TLDC2: variants seen among roughly 807,000 people sequenced by gnomAD.
TLDC2 encodes the protein TLD domain-containing protein 2.
A neutral mutation model predicts 27.9 loss-of-function variants in TLDC2; 23 were observed. That is an observed-to-expected ratio of 0.82 (90% confidence interval 0.59 to 1.17). TLDC2 has a LOEUF of 1.17. TLDC2 is among the 50% of genes most tolerant of loss of function. The pLI, the probability that TLDC2 is intolerant of heterozygous loss-of-function variation, is 0.00. For missense variants in TLDC2, 286 were observed against 273.4 expected (o/e 1.05, Z -0.32); for synonymous variants, 124 against 107.4 (o/e 1.16, Z -0.96).
At chr20:36,877,813 G>T in intron 1 of TLDC2, 86 bp from the exon 2 acceptor site, 1 of 1,469,730 alleles carries the variant, frequency 6.8e-7, no homozygotes, top group African/African-American at 1.4e-5. Flanking sequence ...TGATGAGGTG[G>T]CCCGAGGAGG....
At position 36,879,187 on chromosome 20, in the gene TLDC2, C is replaced by G. The variant is rs527343746; in HGVS notation, c.336C>G (p.Asp112Glu). ...TGCTGCTGGTGCTCAGGGACCAGGA[C>G]GGGCAGGTGAGCTGGGCAGGGGCAC... Reference protein sequence around the residue: ...GPVLLVLRDQDGQIFGAFSSS... With the variant: ...GPVLLVLRDQEGQIFGAFSSS... Residue 112 changes from aspartate to glutamate, a missense_variant, in exon 3 of 7, where the codon GAC (aspartate) becomes GAG (glutamate). Asp to Glu is a conservative substitution (Grantham distance 45). Coordinates refer to ENST00000217320, the MANE Select transcript of TLDC2 (RefSeq NM_080628.3). 6 of 1,612,284 alleles carry G rather than the reference C, an allele frequency of 3.7e-6. No individual in the cohort carries two copies. Among genetic ancestry groups the G allele is most frequent in the Admixed American group, 1.7e-5 (1 of 59,966 alleles).
intron 5 of TLDC2, among the ~76,000 whole-genome samples, chr20:36,888,073 G>T (rs1327159775): frequency 6.6e-6 from 1 of 152,154 alleles, no homozygotes; most frequent in African/African-American, 2.4e-5. Context: ...CTGAGGGGCA[G>T]CTTGGCACAG....
intron 4 of TLDC2, 122 bp from the exon 5 acceptor site, chr20:36,887,333 G>T (rs1989942640): frequency 1.2e-6 from 1 of 834,242 alleles, no homozygotes. Context: ...TCCCACCTGC[G>T]GCTCGGTTGG....
chr20:36,889,194 C>T, intron 5 of TLDC2, 57 bp from the exon 6 acceptor site: 1 of 1,590,154 alleles, frequency 6.3e-7, no homozygotes, highest in Non-Finnish European at 8.6e-7. Flanking sequence ...GGTGGCAGAG[C>T]CTGGGGGTTT....
In TLDC2 at chr20:36,886,268, T is replaced by C. The variant is rs540966503; in HGVS notation, c.439-1187T>C. On this transcript the variant is annotated intron_variant, in intron 4 of 6. Coordinates refer to ENST00000217320, the MANE Select transcript of TLDC2 (RefSeq NM_080628.3). Reference sequence around the variant, plus strand: ...TTAGCCTCCCCAGTAGCTGGGACTATAGGTGCACACCACTGTGACCAGCTA... The same window carrying C: ...TTAGCCTCCCCAGTAGCTGGGACTACAGGTGCACACCACTGTGACCAGCTA... Among the ~76,000 whole-genome samples the C allele has an allele frequency of 3.9e-5, 6 of 152,080 alleles. No individual in the cohort carries two copies. The East Asian group carries it at 5.8e-4, about 15-fold the overall frequency.
In TLDC2 at chr20:36,880,102, C is replaced by CTT. The variant is rs71186084; in HGVS notation, c.343-545_343-544dup. On this transcript the variant is annotated intron_variant, in intron 3 of 6. Coordinates refer to ENST00000217320, the MANE Select transcript of TLDC2 (RefSeq NM_080628.3). Reference sequence around the variant, plus strand: ...ATATATATATATATATATATATATACTTTTTTTTTGAGACGGAGTCTCGCT... The same window carrying CTT: ...ATATATATATATATATATATATATACTTTTTTTTTTTGAGACGGAGTCTCGCT... 1.4e-4 allele frequency among the ~76,000 whole-genome samples: 13 copies of CTT among 95,986 alleles called. 1 individual carries two copies. The highest frequency in any genetic ancestry group is 2.0e-4 in the African/African-American group (5 of 25,408). 63.0% of individuals were successfully genotyped at this position (95,986 alleles called of 152,430 possible).
In TLDC2 at chr20:36,894,040, C is replaced by G. The variant is rs1027053718; in HGVS notation, c.*1196C>G. The G allele has an allele frequency of 1.5e-5, 6 of 397,376 alleles. No homozygotes were observed. Among genetic ancestry groups the G allele is most frequent in the African/African-American group, 1.2e-4 (6 of 48,588 alleles). The allele number at this position is 397,376 out of a possible 1,614,324, so 24.6% of individuals were successfully genotyped here. A position where few individuals can be genotyped will look rare whatever the true frequency, so the allele number is the denominator to read the frequency against. On this transcript the variant is annotated 3_prime_UTR_variant, in exon 7 of 7. Transcript: ENST00000217320. The stretch of plus-strand genomic sequence containing the variant: ...TGGTTCTAGCTTTTGCAGGTGGCCC[C>G]AGCTCCTGGACTCCCACCTGCTCCC...
rs886056646 is a variant in TLDC2, at chr20:36,892,570, C to T, written c.*18-292C>T. 6.4e-5 allele frequency: 19 copies of T among 296,120 alleles called. No individual in the cohort carries two copies. Among genetic ancestry groups the T allele is most frequent in the Non-Finnish European group, 9.1e-5 (14 of 154,140 alleles). 18.3% of individuals were successfully genotyped at this position (296,120 alleles called of 1,614,324 possible). On this transcript the variant is annotated intron_variant, in intron 6 of 6. Coordinates refer to ENST00000217320, the MANE Select transcript of TLDC2 (RefSeq NM_080628.3). ...ACTTGGGGGGCTGAGGCAGGAGGGT[C>T]GCTTGAGCCCAGGAAAGTTCGAGTC...
intron 2 of TLDC2, among the ~76,000 whole-genome samples, chr20:36,878,357 G>A (rs1034097641): frequency 6.6e-6 from 1 of 152,264 alleles, no homozygotes; most frequent in South Asian, 2.1e-4. Flanking sequence ...AAGGCAGGGG[G>A]ATCGCTTGAG....
rs1990139218 is a variant in TLDC2 at position 36,893,784 on chromosome 20, AT to A, written c.*941del. 1 of 397,476 alleles carries A rather than the reference AT, an allele frequency of 2.5e-6. No individual in the cohort carries two copies. Among genetic ancestry groups the A allele is most frequent in the South Asian group, 1.3e-4 (1 of 7,510 alleles). The allele number at this position is 397,476 out of a possible 1,614,324, so 24.6% of individuals were successfully genotyped here. Reference sequence around the variant, plus strand: ...GCTGGTGGGAGGATTCGTGCTCCTCATCTGCTTATTTGCTCTCAGATCCATT... The same window carrying A: ...GCTGGTGGGAGGATTCGTGCTCCTCACTGCTTATTTGCTCTCAGATCCATT... On this transcript the variant is annotated 3_prime_UTR_variant, in exon 7 of 7. Transcript: ENST00000217320.
At chr20:36,888,928 A>T (rs1251042703) in intron 5 of TLDC2, among the ~76,000 whole-genome samples, 2 of 151,974 alleles carry the variant, frequency 1.3e-5, no homozygotes, top group Non-Finnish European at 2.9e-5. Flanking sequence ...AGGCTGAGGT[A>T]GGAAAATTGC....
chr20:36,888,775 C>T (rs1431266728), intron 5 of TLDC2, among the ~76,000 whole-genome samples: 3 of 150,282 alleles, frequency 2.0e-5, no homozygotes, highest in African/African-American at 7.4e-5. Context: ...AATCCCAGCA[C>T]TTTGGGAGGC....
Position 36,893,118 on chromosome 20 carries a change from A to G in TLDC2, c.*274A>G. 2 of 1,603,208 alleles carry G rather than the reference A, an allele frequency of 1.2e-6. No homozygotes were observed. The highest frequency in any genetic ancestry group is 1.7e-6 in the Non-Finnish European group (2 of 1,177,234). ...CAATAGAGAAAAGCCAGTTTCCATC[A>G]TCTTATTTCTGAGTGAAAGTCTCAA... On this transcript the variant is annotated 3_prime_UTR_variant, in exon 7 of 7. Transcript: ENST00000217320.
Position 36,889,304 on chromosome 20 carries a change from C to T in TLDC2, c.566C>T (p.Pro189Leu). 6.2e-7 allele frequency: 1 copy of T among 1,614,212 alleles called. No homozygotes were observed. The highest frequency in any genetic ancestry group is 8.5e-7 in the Non-Finnish European group (1 of 1,180,036). Residue 189 changes from proline to leucine, a missense_variant, in exon 6 of 7, where the codon CCT becomes CTT. Pro to Leu is a moderately conservative substitution (Grantham distance 98). Coordinates refer to ENST00000217320, the MANE Select transcript of TLDC2 (RefSeq NM_080628.3). ...GACTTGTTCCGCGGGGGAAGCTCCC[C>T]TTGCCCGACCTTCAACAACGAGGTG... ...DGDLFRGGSS[P>L]CPTFNNEVLA... is the part of the protein sequence containing the mutation.
chr20:36,878,038 C>T lies in TLDC2; in HGVS notation c.173C>T (p.Ala58Val), dbSNP rs895769413. 1.9e-6 allele frequency: 3 copies of T among 1,613,456 alleles called. No individual in the cohort carries two copies. The highest frequency in any genetic ancestry group is 2.5e-6 in the Non-Finnish European group (3 of 1,179,670). ...QLTEASQVLS[A>V]SEIRQLSFHF... ...ACAGAAGCCAGCCAGGTTTTGAGTG[C>T]CTCAGAGATTCGGCAGGTCTGGGCA... The change falls in exon 2 of 7, where the codon GCC becomes GTC. Residue 58 changes from alanine (A) to valine (V), a missense_variant. By Grantham distance (64) the Ala-to-Val change is moderately conservative. Coordinates refer to ENST00000217320, the MANE Select transcript of TLDC2 (RefSeq NM_080628.3).
Position 36,892,927 on chromosome 20 carries a change from G to GAC in TLDC2, c.*85_*86dup. 1 of 1,614,020 alleles carries GAC rather than the reference G, an allele frequency of 6.2e-7. No homozygotes were observed. The highest frequency in any genetic ancestry group is 1.3e-5 in the African/African-American group (1 of 74,990). On this transcript the variant is annotated 3_prime_UTR_variant, in exon 7 of 7. Coordinates refer to ENST00000217320, the MANE Select transcript of TLDC2 (RefSeq NM_080628.3). ...GGGAGTTTGTAAACAACTGACTACAGACATTCACATTGGGTCATCTTTAAA... is the reference window on the plus strand; with the variant it reads ...GGGAGTTTGTAAACAACTGACTACAGACACATTCACATTGGGTCATCTTTAAA...
At chr20:36,881,789 C>A (rs2148346047) in intron 4 of TLDC2, among the ~76,000 whole-genome samples, 1 of 152,268 alleles carries the variant, frequency 6.6e-6, no homozygotes, top group South Asian at 2.1e-4. Context: ...CATGAGAGGT[C>A]TCCTTGACAT....
At chr20:36,879,984 G>A (rs1309940953) in intron 3 of TLDC2, among the ~76,000 whole-genome samples, 1 of 148,950 alleles carries the variant, frequency 6.7e-6, no homozygotes. Context: ...GAAGGAGGGG[G>A]ATTAAGAGAT....
At chr20:36,878,489 A>G (rs374242399) in intron 2 of TLDC2, among the ~76,000 whole-genome samples, 1 of 152,084 alleles carries the variant, frequency 6.6e-6, no homozygotes, top group African/African-American at 2.4e-5. Flanking sequence ...GCTGAGGCAC[A>G]AGATTTGCTT....
Sources: allele counts gnomAD v4.1 joint callset (sites outside exome capture counted in the v4.1 genomes callset), GRCh38; gene constraint gnomAD v4.1.1; transcripts MANE v1.5; gene names NCBI Gene and HGNC (gene_info 2026-07-23, HGNC 2026-07-21).